ARHGEF38: variants seen among roughly 807,000 people sequenced by gnomAD.
ARHGEF38 encodes the protein Rho guanine nucleotide exchange factor 38.
Under a neutral mutation model 79.9 loss-of-function variants are expected in ARHGEF38, and 79 were observed. That is an observed-to-expected ratio of 0.99 (90% CI 0.82 to 1.19). The LOEUF (loss-of-function observed/expected upper bound fraction) is 1.19, where lower values mean the gene tolerates loss of function less well. Ranked by LOEUF, ARHGEF38 falls within the 50% of genes most tolerant of loss-of-function variation. The pLI is 0.00. For synonymous variants in ARHGEF38, 366 were observed against 328.3 expected, an observed-to-expected ratio of 1.11 and a Z score of -1.24; for missense variants, 962 against 907.2, an observed-to-expected ratio of 1.06 and a Z score of -0.78.
chr4:105,648,551 C>T lies in ARHGEF38; in HGVS notation c.877C>T (p.Leu293=), dbSNP rs1729951674. The change falls in exon 7 of 14, where the codon CTA becomes TTA. Residue 293 remains leucine, a splice_region_variant and synonymous_variant. Coordinates refer to ENST00000420470, the MANE Select transcript of ARHGEF38 (RefSeq NM_001242729.2). ...GTTATTACATTCTTCCTTTTCAGTT[C>T]TAAAATACAAGAAGAATGACGAGGA... is the stretch of plus-strand genomic sequence containing the variant. ...NELKRRKDLV[L]KYKKNDEDES... is the part of the protein sequence containing the mutation. 1 of 1,506,692 alleles carries T rather than the reference C, an allele frequency of 6.6e-7. No homozygotes were observed. Among genetic ancestry groups the T allele is most frequent in the African/African-American group, 1.4e-5 (1 of 71,818 alleles). The allele number at this position is 1,506,692 out of a possible 1,614,324, so 93.3% of individuals were successfully genotyped here.
chr4:105,679,621 T>A lies in ARHGEF38; in HGVS notation c.*1684T>A. On this transcript the variant is annotated 3_prime_UTR_variant, in exon 14 of 14. Coordinates refer to ENST00000420470, the MANE Select transcript of ARHGEF38 (RefSeq NM_001242729.2). ...GGTTGGAAAAAAATCAACAGCAGCA[T>A]AAGAAATGGAAGCCAGAGACCTTAT... The A allele has an allele frequency of 1.2e-6, 1 of 837,572 alleles. No individual in the cohort carries two copies. The highest frequency in any genetic ancestry group is 1.7e-5 in the African/African-American group (1 of 59,966). The allele number at this position is 837,572 out of a possible 1,614,324, so 51.9% of individuals were successfully genotyped here. A position where few individuals can be genotyped will look rare whatever the true frequency, so the allele number is the denominator to read the frequency against.
At chr4:105,602,385 G>A (rs1727862413) in intron 2 of ARHGEF38, among the ~76,000 whole-genome samples, 1 of 152,128 alleles carries the variant, frequency 6.6e-6, no homozygotes, top group African/African-American at 2.4e-5. Context: ...TTTAAACTGT[G>A]TTTTAAACCC....
Position 105,679,254 on chromosome 4 carries a change from C to T in ARHGEF38, c.*1317C>T, listed in dbSNP as rs768778440. ...TTTCCATCATAATATTCTTTAATTT[C>T]AGGTAATTTAGCTGGCACTGAGAGT... On this transcript the variant is annotated 3_prime_UTR_variant, in exon 14 of 14. Transcript: ENST00000420470. The T allele has an allele frequency of 5.9e-6, 4 of 680,616 alleles. No individual in the cohort carries two copies. Among genetic ancestry groups the T allele is most frequent in the Non-Finnish European group, 7.9e-6 (3 of 379,672 alleles). 42.2% of individuals were successfully genotyped at this position (680,616 alleles called of 1,614,324 possible). A position where few individuals can be genotyped will look rare whatever the true frequency, so the allele number is the denominator to read the frequency against.
intron 3 of ARHGEF38, among the ~76,000 whole-genome samples, chr4:105,627,216 C>A (rs1010647195): frequency 1.3e-5 from 2 of 152,142 alleles, no homozygotes; most frequent in Non-Finnish European, 2.9e-5. Context: ...AGGAACACAA[C>A]TGCTTCTTCC....
At chr4:105,677,679 T>C (rs1731170240) in intron 13 of ARHGEF38, 73 bp from the exon 14 acceptor site, 2 of 1,309,000 alleles carry the variant, frequency 1.5e-6, no homozygotes, top group Non-Finnish European at 2.0e-6. Context: ...TTCTAAAAGC[T>C]TGGAAACTTT....
intron 1 of ARHGEF38, chr4:105,561,483 T>TAGA (rs1560684649): frequency 7.4e-6 from 1 of 134,428 alleles, no homozygotes; most frequent in Non-Finnish European, 1.6e-5. Context: ...TAGAATAGAA[T>TAGA]AGAATAGAAT....
chr4:105,577,107 T>TA (rs397819269), intron 1 of ARHGEF38, among the ~76,000 whole-genome samples: 9 of 129,486 alleles, frequency 7.0e-5, no homozygotes, highest in South Asian at 2.6e-4. Flanking sequence ...TAATTTTTTT[T>TA]ATTATTATTA....
At chr4:105,586,610 A>G (rs181067374) in intron 1 of ARHGEF38, among the ~76,000 whole-genome samples, 45 of 152,298 alleles carry the variant, frequency 3.0e-4, no homozygotes, top group African/African-American at 9.9e-4. Context: ...ACCCAAATGC[A>G]TGTTTTAGGG....
Position 105,654,162 on chromosome 4 carries a change from A to G in ARHGEF38, c.1106A>G (p.His369Arg), listed in dbSNP as rs1219438489. The change falls in exon 8 of 14, where the codon CAC becomes CGC. Residue 369 changes from histidine (H) to arginine (R), a missense_variant. Coordinates refer to ENST00000420470, the MANE Select transcript of ARHGEF38 (RefSeq NM_001242729.2). ...AAGAACATTTCACTCTGTCTTCAACACATACAGGTAGGTGAGACACAACTG... is the reference window on the plus strand; with the variant it reads ...AAGAACATTTCACTCTGTCTTCAACGCATACAGGTAGGTGAGACACAACTG... ...CVKNISLCLQ[H>R]IQDAMPLALQ... 4.1e-6 allele frequency: 6 copies of G among 1,479,082 alleles called. No individual in the cohort carries two copies. The highest frequency in any genetic ancestry group is 5.4e-6 in the Non-Finnish European group (6 of 1,108,652). The allele number at this position is 1,479,082 out of a possible 1,614,324, so 91.6% of individuals were successfully genotyped here. A position where few individuals can be genotyped will look rare whatever the true frequency, so the allele number is the denominator to read the frequency against.
chr4:105,594,072 T>C (rs548553096), intron 2 of ARHGEF38, among the ~76,000 whole-genome samples: 3 of 152,342 alleles, frequency 2.0e-5, no homozygotes, highest in African/African-American at 7.2e-5. Context: ...TGGACTTTAA[T>C]TTCATTCTAT....
chr4:105,643,950 T>C (rs1372654051), intron 5 of ARHGEF38, among the ~76,000 whole-genome samples: 2 of 136,618 alleles, frequency 1.5e-5, no homozygotes, highest in Admixed American at 8.2e-5. Flanking sequence ...CACTGCAGCC[T>C]CGACCTCCCC....
intron 3 of ARHGEF38, among the ~76,000 whole-genome samples, chr4:105,622,786 G>T (rs1164843752): frequency 6.6e-6 from 1 of 152,088 alleles, no homozygotes; most frequent in Non-Finnish European, 1.5e-5. Flanking sequence ...TCTTCAGAAG[G>T]CTTTTGTCAT....
In ARHGEF38 at chr4:105,677,817, G is replaced by A; in HGVS notation, c.2214G>A (p.Gln738=). The A allele has an allele frequency of 1.3e-6, 2 of 1,534,762 alleles. No individual in the cohort carries two copies. The highest frequency in any genetic ancestry group is 1.7e-6 in the Non-Finnish European group (2 of 1,145,830). Residue 738 remains glutamine (Q), a synonymous_variant, in exon 14 of 14, where the codon CAG becomes CAA. Transcript: ENST00000420470. ...ATGAACTCAGCCTTCAGGAATACCA[G>A]AGAGTTCATATACTCAGGTTTTGTG... The part of the protein sequence containing the change: ...SDHELSLQEY[Q]RVHILRFCDL...
intron 6 of ARHGEF38, among the ~76,000 whole-genome samples, chr4:105,645,661 T>C (rs1420036462): frequency 6.6e-6 from 1 of 152,204 alleles, no homozygotes; most frequent in African/African-American, 2.4e-5. Flanking sequence ...TATTGTGGGC[T>C]GAAGAAACCC....
chr4:105,669,450 A>T (rs1393382474), intron 13 of ARHGEF38, among the ~76,000 whole-genome samples: 1 of 152,224 alleles, frequency 6.6e-6, no homozygotes, highest in Non-Finnish European at 1.5e-5. Flanking sequence ...CTAAAATATT[A>T]GAGGGCCAAA....
rs1362012671 is a variant in ARHGEF38, at chr4:105,680,775, A to C, written c.*2838A>C. The C allele has an allele frequency of 6.7e-6, 1 of 150,258 alleles. No homozygotes were observed. The highest frequency in any genetic ancestry group is 1.5e-5 in the Non-Finnish European group (1 of 67,572). 9.3% of individuals were successfully genotyped at this position (150,258 alleles called of 1,614,324 possible). A position where few individuals can be genotyped will look rare whatever the true frequency, so the allele number is the denominator to read the frequency against. On this transcript the variant is annotated 3_prime_UTR_variant, in exon 14 of 14. Transcript: ENST00000420470. Reference sequence around the variant, plus strand: ...TGAAAGATAAATTACCTCCTAAACTAAAGTCCCCTCTGAGGTACAACAGAA... The same window carrying C: ...TGAAAGATAAATTACCTCCTAAACTCAAGTCCCCTCTGAGGTACAACAGAA...
chr4:105,592,082 G>A (rs1461860000), intron 2 of ARHGEF38, among the ~76,000 whole-genome samples: 1 of 152,010 alleles, frequency 6.6e-6, no homozygotes, highest in Non-Finnish European at 1.5e-5. Context: ...TTATGGTACA[G>A]TCCTCCCTGT....
At position 105,552,692 on chromosome 4, in the gene ARHGEF38, C is replaced by A. The variant is rs1725051749; in HGVS notation, c.-74C>A. ...GCAGATAAACTCGTCACTCTAGTAG[C>A]TTTAACCCTCACCCTGAGGCACCTT... On this transcript the variant is annotated 5_prime_UTR_variant, in exon 1 of 14. Transcript: ENST00000420470. The A allele has an allele frequency of 1.5e-6, 2 of 1,290,626 alleles. No individual in the cohort carries two copies. The highest frequency in any genetic ancestry group is 1.5e-5 in the African/African-American group (1 of 66,666). The allele number at this position is 1,290,626 out of a possible 1,614,324, so 79.9% of individuals were successfully genotyped here.
rs371068089 is a variant in ARHGEF38 at position 105,571,038 on chromosome 4, A to G, written c.196+18077A>G. On this transcript the variant is annotated intron_variant, in intron 1 of 13. Coordinates refer to ENST00000420470, the MANE Select transcript of ARHGEF38 (RefSeq NM_001242729.2). ...TGGAGGGAGGAAGAAATGCATAAGT[A>G]TTGTTTAATAGGTATAAAATTTGCT... Among the ~76,000 whole-genome samples, 5 of 152,218 alleles carry G rather than the reference A, an allele frequency of 3.3e-5. No individual in the cohort carries two copies. The East Asian group carries it at 5.8e-4, about 18-fold the overall frequency.
Sources: gnomAD v4.1 joint callset for allele counts (sites outside exome capture counted in the v4.1 genomes callset) on GRCh38, gnomAD v4.1.1 for gene constraint, MANE v1.5 for transcripts, NCBI Gene and HGNC (gene_info 2026-07-23, HGNC 2026-07-21) for gene names.